CSMD3: variants seen among roughly 807,000 people sequenced by gnomAD.
CSMD3 encodes the protein CUB and Sushi multiple domains 3.
A neutral mutation model predicts 435.2 loss-of-function variants in CSMD3; 177 were observed. The ratio of observed to expected loss-of-function variants is 0.41; its 90% CI spans 0.36 to 0.46. CSMD3 has a LOEUF of 0.46. CSMD3 is among the 20% of genes least tolerant of loss of function. The pLI is 0.34. For synonymous variants in CSMD3, 1,656 were observed against 1,520.5 expected, an observed-to-expected ratio of 1.09 and a Z score of -2.07; for missense variants, 4,265 against 4,504.6, an observed-to-expected ratio of 0.95 and a Z score of 1.52.
chr8:112,552,203 A>T (rs1827744031), intron 26 of CSMD3, among the ~76,000 whole-genome samples: 1 of 152,074 alleles, frequency 6.6e-6, no homozygotes, highest in African/African-American at 2.4e-5. Flanking sequence ...TCTGTATATC[A>T]GTCAAAATGG....
intron 4 of CSMD3, among the ~76,000 whole-genome samples, chr8:113,137,050 G>A (rs1251059034): frequency 6.6e-6 from 1 of 151,560 alleles, no homozygotes; most frequent in Non-Finnish European, 1.5e-5. Flanking sequence ...ATATACCTAA[G>A]CAAGACTGGA....
At chr8:113,272,734 T>C (rs1373023608) in intron 3 of CSMD3, among the ~76,000 whole-genome samples, 1 of 152,210 alleles carries the variant, frequency 6.6e-6, no homozygotes, top group Admixed American at 6.5e-5. Flanking sequence ...AAATATTTTA[T>C]TGAAATAATA....
At chr8:113,252,488 C>T (rs1248255766) in intron 3 of CSMD3, among the ~76,000 whole-genome samples, 2 of 151,884 alleles carry the variant, frequency 1.3e-5, no homozygotes, top group East Asian at 1.9e-4. Flanking sequence ...TCAATCTTCT[C>T]CTTTAGAAAA....
chr8:112,322,024 A>G (rs1282007101), intron 45 of CSMD3, among the ~76,000 whole-genome samples: 2 of 152,152 alleles, frequency 1.3e-5, no homozygotes, highest in Non-Finnish European at 2.9e-5. Flanking sequence ...GGGGAGCCTA[A>G]ACAGAGAAAT....
chr8:113,376,849 C>G (rs2094387196), intron 1 of CSMD3: 5 of 1,612,840 alleles, frequency 3.1e-6, no homozygotes, highest in Non-Finnish European at 4.2e-6. Flanking sequence ...CCGGCCACCT[C>G]TGCCCCTTTC....
chr8:112,920,875 A>G (rs891465793), intron 10 of CSMD3, among the ~76,000 whole-genome samples: 6 of 150,848 alleles, frequency 4.0e-5, no homozygotes, highest in African/African-American at 9.7e-5. Context: ...ATTGTCCTCA[A>G]TGAGTTTTGT....
chr8:112,281,111 A>G (rs1309721846), intron 59 of CSMD3, 63 bp downstream of exon 59: 1 of 1,226,176 alleles, frequency 8.2e-7, no homozygotes, highest in African/African-American at 1.5e-5. Flanking sequence ...ACACAAAAAT[A>G]CTTATATACT....
intron 40 of CSMD3, among the ~76,000 whole-genome samples, chr8:112,348,916 T>G (rs59156725): frequency 0.39 from 59,503 of 152,028 alleles, 13,259 homozygotes; most frequent in Middle Eastern, 0.53. Context: ...TTTTTAAGAA[T>G]AATAATTGAT....
chr8:112,947,956 C>T (rs2083673768), intron 8 of CSMD3, 79 bp from the exon 9 acceptor site: 1 of 685,524 alleles, frequency 1.5e-6, no homozygotes, highest in Non-Finnish European at 2.7e-6. Flanking sequence ...TTAAAATATA[C>T]ATAAAATGTA....
chr8:112,449,971 G>T (rs779474533), intron 32 of CSMD3, among the ~76,000 whole-genome samples: 3 of 152,088 alleles, frequency 2.0e-5, no homozygotes, highest in Non-Finnish European at 2.9e-5. Context: ...TTATCCACCC[G>T]CCTCAGACTC....
chr8:113,026,966 C>A (rs988015721), intron 5 of CSMD3, among the ~76,000 whole-genome samples: 1 of 152,036 alleles, frequency 6.6e-6, no homozygotes, highest in African/African-American at 2.4e-5. Flanking sequence ...TGGTATATAT[C>A]GAATCCATAA....
At chr8:112,809,612 G>A (rs962257359) in intron 12 of CSMD3, among the ~76,000 whole-genome samples, 6 of 151,934 alleles carry the variant, frequency 3.9e-5, no homozygotes, top group Non-Finnish European at 7.4e-5. Context: ...TTTTCTTTGT[G>A]TACTCCTGGT....
In CSMD3 at chr8:113,314,813, A is replaced by G. The variant is rs763038042; in HGVS notation, c.179-20T>C. ...TAAATCCTGCAACAAAAGACAATAA[A>G]CAGACATTAATATTATATAAATCAA... is the stretch of plus-strand genomic sequence containing the variant. On this transcript the variant is annotated intron_variant, in intron 1 of 70. Coordinates refer to ENST00000297405, the MANE Select transcript of CSMD3 (RefSeq NM_198123.2). 2.2e-6 allele frequency: 3 copies of G among 1,374,024 alleles called. No homozygotes were observed. The highest frequency in any genetic ancestry group is 2.3e-5 in the East Asian group (1 of 43,690). The allele number at this position is 1,374,024 out of a possible 1,614,324, so 85.1% of individuals were successfully genotyped here. A position where few individuals can be genotyped will look rare whatever the true frequency, so the allele number is the denominator to read the frequency against.
chr8:112,976,586 A>T (rs984716507), intron 6 of CSMD3, among the ~76,000 whole-genome samples: 4 of 152,104 alleles, frequency 2.6e-5, no homozygotes, highest in Non-Finnish European at 5.9e-5. Context: ...AAAAATATCA[A>T]AATTTTCTAT....
At chr8:112,315,040 G>T (rs973611368) in intron 47 of CSMD3, among the ~76,000 whole-genome samples, 3 of 151,640 alleles carry the variant, frequency 2.0e-5, no homozygotes, top group Non-Finnish European at 4.4e-5. Flanking sequence ...TCACTCAGGT[G>T]TGTGGGGTCA....
chr8:112,916,496 T>A (rs967256533), intron 10 of CSMD3, among the ~76,000 whole-genome samples: 1 of 151,576 alleles, frequency 6.6e-6, no homozygotes, highest in Admixed American at 6.6e-5. Context: ...GAATGTGTGA[T>A]AAACTTCCAT....
At chr8:113,334,173 C>A (rs2094050412) in intron 1 of CSMD3, among the ~76,000 whole-genome samples, 1 of 151,158 alleles carries the variant, frequency 6.6e-6, no homozygotes, top group Non-Finnish European at 1.5e-5. Context: ...ATAAAATTTT[C>A]TACTTTCTGT....
intron 9 of CSMD3, among the ~76,000 whole-genome samples, chr8:112,923,851 G>T (rs1564109359): frequency 1.3e-5 from 2 of 152,068 alleles, no homozygotes; most frequent in South Asian, 2.1e-4. Flanking sequence ...ACTGTCTAAT[G>T]CACTCAGATA....
At chr8:113,033,129 A>G (rs1273774992) in intron 5 of CSMD3, among the ~76,000 whole-genome samples, 3 of 151,608 alleles carry the variant, frequency 2.0e-5, no homozygotes, top group Non-Finnish European at 4.4e-5. Context: ...TACTAGGGCA[A>G]TGTAGAGGGG....
Sources: allele counts gnomAD v4.1 joint callset (sites outside exome capture counted in the v4.1 genomes callset), GRCh38; gene constraint gnomAD v4.1.1; transcripts MANE v1.5; gene names NCBI Gene and HGNC (gene_info 2026-07-23, HGNC 2026-07-21).